KSR2: variants seen among roughly 807,000 people sequenced by gnomAD.
The protein encoded by KSR2 is kinase suppressor of ras 2.
KSR2 carries 25 observed loss-of-function variants against 107.8 expected under a neutral mutation model. The observed-to-expected ratio is 0.23, with a 90% CI of 0.17 to 0.32. The LOEUF is 0.32. Among genes scored for constraint, KSR2 ranks in the 10% least tolerant of loss-of-function variants. The pLI, the probability that KSR2 is intolerant of heterozygous loss-of-function variation, is 1.00. For missense variants in KSR2, 887 were observed against 1,268.9 expected, an observed-to-expected ratio of 0.70 and a Z score of 4.57; for synonymous variants, 480 against 507.0, an observed-to-expected ratio of 0.95 and a Z score of 0.71.
intron 4 of KSR2, among the ~76,000 whole-genome samples, chr12:117,677,455 C>A (rs1358420511): frequency 1.3e-5 from 2 of 152,150 alleles, no homozygotes; most frequent in East Asian, 3.9e-4. Context: ...CAGAGAGAGG[C>A]CTCAGGAGAA....
At chr12:117,591,967 C>T (rs1880347759) in intron 5 of KSR2, among the ~76,000 whole-genome samples, 1 of 151,536 alleles carries the variant, frequency 6.6e-6, no homozygotes, top group African/African-American at 2.4e-5. Flanking sequence ...TGAGATTGTG[C>T]CACTGGACTC....
At chr12:117,687,159 T>C (rs1481693803) in intron 4 of KSR2, among the ~76,000 whole-genome samples, 1 of 152,220 alleles carries the variant, frequency 6.6e-6, no homozygotes, top group African/African-American at 2.4e-5. Context: ...TCAGAATCTG[T>C]GTGGTTTCAG....
intron 3 of KSR2, among the ~76,000 whole-genome samples, chr12:117,788,668 TTTTG>T (rs923856055): frequency 3.3e-5 from 5 of 152,154 alleles, no homozygotes; most frequent in East Asian, 1.9e-4. Context: ...CGCCTGGCTT[TTTTG>T]TTTGTTTGTT....
intron 1 of KSR2, among the ~76,000 whole-genome samples, chr12:117,927,922 C>T (rs967734227): frequency 6.6e-6 from 1 of 152,106 alleles, no homozygotes; most frequent in African/African-American, 2.4e-5. Flanking sequence ...ACCATCACTA[C>T]CATCCATCCA....
At chr12:117,795,190 G>A (rs1191178480) in intron 3 of KSR2, among the ~76,000 whole-genome samples, 1 of 152,106 alleles carries the variant, frequency 6.6e-6, no homozygotes, top group Admixed American at 6.5e-5. Context: ...ACAGTGCCTC[G>A]GAAGAAATTC....
At chr12:117,927,388 C>G (rs1895555343) in intron 1 of KSR2, among the ~76,000 whole-genome samples, 10 of 137,786 alleles carry the variant, frequency 7.3e-5, no homozygotes, top group Admixed American at 5.1e-4. Flanking sequence ...AAAATAACAA[C>G]AAAAAAAAAA....
chr12:117,519,258 G>A (rs1874584077), intron 14 of KSR2, among the ~76,000 whole-genome samples: 1 of 152,196 alleles, frequency 6.6e-6, no homozygotes, highest in Admixed American at 6.5e-5. Flanking sequence ...TGAGAGAAGA[G>A]GTTTCCAAGG....
chr12:117,913,213 C>T (rs1895075485), intron 1 of KSR2, among the ~76,000 whole-genome samples: 2 of 152,152 alleles, frequency 1.3e-5, no homozygotes, highest in African/African-American at 4.8e-5. Context: ...TAGACCAGGA[C>T]TCAGGGACCT....
intron 1 of KSR2, among the ~76,000 whole-genome samples, chr12:117,914,827 C>T (rs11068742): frequency 0.099 from 15,132 of 152,236 alleles, 841 homozygotes; most frequent in Middle Eastern, 0.13. Context: ...TGAGCCACTG[C>T]GCCCAGCCAA....
At chr12:117,823,570 A>T (rs1891638963) in intron 3 of KSR2, among the ~76,000 whole-genome samples, 1 of 152,228 alleles carries the variant, frequency 6.6e-6, no homozygotes, top group African/African-American at 2.4e-5. Context: ...CAGGGAAAAG[A>T]GGAGCAGTTC....
chr12:117,456,024 G>A lies in KSR2; in HGVS notation c.*11175C>T, dbSNP rs1471083312. 1 of 152,220 alleles carries A rather than the reference G, an allele frequency of 6.6e-6. No homozygotes were observed. The highest frequency in any genetic ancestry group is 2.4e-5 in the African/African-American group (1 of 41,446). 9.4% of individuals were successfully genotyped at this position (152,220 alleles called of 1,614,324 possible). On this transcript the variant is annotated 3_prime_UTR_variant, in exon 20 of 20. Coordinates refer to ENST00000339824, the MANE Select transcript of KSR2 (RefSeq NM_173598.6). Reference sequence around the variant, plus strand: ...TGTGCTCCAAGCCTTGGGGCTTTATGAGGATTGATTCCAGACGCAAAGTCA... The same window carrying A: ...TGTGCTCCAAGCCTTGGGGCTTTATAAGGATTGATTCCAGACGCAAAGTCA...
At chr12:117,501,786 G>GCACACAATCACTCAAA (rs1873393845) in intron 14 of KSR2, among the ~76,000 whole-genome samples, 2 of 152,216 alleles carry the variant, frequency 1.3e-5, no homozygotes, top group South Asian at 4.1e-4. Context: ...TCAGGGAGGG[G>GCACACAATCACTCAAA]CGTGCCCCAG....
At chr12:117,956,826 A>G (rs899419988) in intron 1 of KSR2, among the ~76,000 whole-genome samples, 4 of 152,206 alleles carry the variant, frequency 2.6e-5, no homozygotes, top group African/African-American at 9.6e-5. Context: ...TGACACTAAC[A>G]GCACATTTCA....
intron 4 of KSR2, among the ~76,000 whole-genome samples, chr12:117,753,508 T>C (rs1399057554): frequency 1.3e-5 from 2 of 152,186 alleles, no homozygotes; most frequent in Non-Finnish European, 2.9e-5. Flanking sequence ...TCATGTCCTT[T>C]GCAGGAACAG....
intron 5 of KSR2, among the ~76,000 whole-genome samples, chr12:117,583,856 A>G (rs1003153978): frequency 1.3e-5 from 2 of 152,152 alleles, no homozygotes; most frequent in African/African-American, 4.8e-5. Flanking sequence ...CTCAGGCCAG[A>G]GGGATGGAGC....
rs77190023 is a variant in KSR2 at position 117,934,057 on chromosome 12, T to C, written c.180+34019A>G. Among the ~76,000 whole-genome samples the C allele has an allele frequency of 1.7e-3, 261 of 152,346 alleles. 1 individual carries two copies. The highest frequency in any genetic ancestry group is 2.9e-3 in the Non-Finnish European group (196 of 68,040). ...GAATATCCAGACATTCCTAGTAATA[T>C]GTTCTTTACCCTTTTGATCCTTATG... On this transcript the variant is annotated intron_variant, in intron 1 of 19. Coordinates refer to ENST00000339824, the MANE Select transcript of KSR2 (RefSeq NM_173598.6).
At chr12:117,591,286 A>G (rs1593027042) in intron 5 of KSR2, among the ~76,000 whole-genome samples, 1 of 152,282 alleles carries the variant, frequency 6.6e-6, no homozygotes, top group South Asian at 2.1e-4. Context: ...TGGATTAAAG[A>G]ATTTGATTTT....
intron 7 of KSR2, among the ~76,000 whole-genome samples, chr12:117,568,959 A>G (rs912397062): frequency 1.3e-5 from 2 of 152,200 alleles, no homozygotes; most frequent in Admixed American, 6.5e-5. Flanking sequence ...TCATAATTAT[A>G]TCCTGCCAAT....
chr12:117,943,719 C>CATTG (rs1343650182), intron 1 of KSR2, among the ~76,000 whole-genome samples: 3 of 151,942 alleles, frequency 2.0e-5, no homozygotes, highest in Non-Finnish European at 4.4e-5. Context: ...AACAAAAGGC[C>CATTG]ATTGATATGG....
Sources: allele counts gnomAD v4.1 joint callset (sites outside exome capture counted in the v4.1 genomes callset), GRCh38; gene constraint gnomAD v4.1.1; transcripts MANE v1.5; gene names NCBI Gene and HGNC (gene_info 2026-07-23, HGNC 2026-07-21).